DLGAP1: variants seen among roughly 807,000 people sequenced by gnomAD.
The protein encoded by DLGAP1 is disks large-associated protein 1.
DLGAP1 carries 11 observed loss-of-function variants against 90.8 expected under a neutral mutation model. The ratio of observed to expected loss-of-function variants is 0.12; its 90% CI spans 0.08 to 0.20. The LOEUF is 0.20. Ranked by LOEUF, DLGAP1 falls within the 10% of genes least tolerant of loss-of-function variation. The pLI, the probability that DLGAP1 is intolerant of heterozygous loss-of-function variation, is 1.00. For missense variants in DLGAP1, 1,050 were observed against 1,333.8 expected (o/e 0.79, Z 3.31); for synonymous variants, 558 against 540.7 (o/e 1.03, Z -0.44).
At chr18:3,856,513 A>G (rs1046710026) in intron 4 of DLGAP1, among the ~76,000 whole-genome samples, 14 of 152,172 alleles carry the variant, frequency 9.2e-5, no homozygotes, top group African/African-American at 3.4e-4. Flanking sequence ...AAATTACCTT[A>G]GTCACTTGAA....
chr18:4,343,282 G>C (rs983783853), intron 1 of DLGAP1, among the ~76,000 whole-genome samples: 2 of 150,526 alleles, frequency 1.3e-5, no homozygotes, highest in South Asian at 4.3e-4. Flanking sequence ...ACTCCAGCCT[G>C]GGCGACAGAG....
chr18:4,437,369 C>T (rs1341931654), intron 1 of DLGAP1, among the ~76,000 whole-genome samples: 1 of 152,150 alleles, frequency 6.6e-6, no homozygotes, highest in East Asian at 1.9e-4. Context: ...CCCTCAATAT[C>T]CATAAGGGAG....
At chr18:3,682,131 TA>T (rs765642309) in intron 7 of DLGAP1, among the ~76,000 whole-genome samples, 4 of 106,486 alleles carry the variant, frequency 3.8e-5, no homozygotes, top group South Asian at 2.4e-4. Context: ...AAAAAAAAAA[TA>T]AAAAAAAATA....
intron 8 of DLGAP1, among the ~76,000 whole-genome samples, chr18:3,577,819 G>A (rs990920066): frequency 1.3e-5 from 2 of 152,074 alleles, no homozygotes; most frequent in African/African-American, 4.8e-5. Flanking sequence ...TGTATCTAGG[G>A]TAATCTACTT....
intron 7 of DLGAP1, among the ~76,000 whole-genome samples, chr18:3,701,789 T>C (rs1202955415): frequency 2.6e-5 from 4 of 152,144 alleles, no homozygotes; most frequent in Non-Finnish European, 4.4e-5. Context: ...TTCTCTAGGA[T>C]GAATTGAGGT....
intron 3 of DLGAP1, among the ~76,000 whole-genome samples, chr18:3,970,711 T>G (rs1161172377): frequency 6.6e-6 from 1 of 152,186 alleles, no homozygotes. Flanking sequence ...GTACTAAATT[T>G]AGAATGAAGG....
In DLGAP1 at chr18:3,534,207, G is replaced by T. The variant is rs200846751; in HGVS notation, c.2466C>A (p.Asn822Lys). Residue 822 changes from asparagine to lysine, a missense_variant, in exon 10 of 13, where the codon AAC (asparagine) becomes AAA (lysine). This residue lies in a region of DLGAP1 where 565 missense variants were observed against 879.7 expected (regional missense o/e 0.64). Coordinates refer to ENST00000315677, the MANE Select transcript of DLGAP1 (RefSeq NM_004746.4). ...QQMEREEREN[N>K]LPEDILGKIR... The stretch of plus-strand genomic sequence containing the variant: ...GGCATTACTTACTGTCTTCGGGCAG[G>T]TTGTTTTCCCGTTCTTCCCGCTCCA... The T allele has an allele frequency of 9.9e-5, 160 of 1,613,538 alleles. No individual in the cohort carries two copies. The highest frequency in any genetic ancestry group is 1.3e-4 in the Non-Finnish European group (154 of 1,179,716).
At chr18:4,036,742 C>CA (rs2074894882) in intron 2 of DLGAP1, among the ~76,000 whole-genome samples, 1 of 151,972 alleles carries the variant, frequency 6.6e-6, no homozygotes, top group South Asian at 2.1e-4. Context: ...AAGAATTTTT[C>CA]AGGGGGGGAA....
intron 1 of DLGAP1, among the ~76,000 whole-genome samples, chr18:4,257,499 A>T (rs2078912909): frequency 6.6e-6 from 1 of 152,232 alleles, no homozygotes. Flanking sequence ...TATTTTAAAA[A>T]CTTATTCATC....
chr18:3,987,913 G>A (rs1390236154), intron 3 of DLGAP1, among the ~76,000 whole-genome samples: 1 of 152,150 alleles, frequency 6.6e-6, no homozygotes, highest in African/African-American at 2.4e-5. Context: ...TTTGGCACCA[G>A]GGACTGGTTT....
chr18:3,499,268 C>T lies in DLGAP1; in HGVS notation c.2851G>A (p.Ala951Thr). 1 of 1,600,232 alleles carries T rather than the reference C, an allele frequency of 6.2e-7. No individual in the cohort carries two copies. Among genetic ancestry groups the T allele is most frequent in the Non-Finnish European group, 8.5e-7 (1 of 1,174,416 alleles). ...GCCGAGTTCTGGCGGACGGACGCGG[C>T]GCGCTTGGCGGCCATCAGGCGCTTG... ...ARKRLMAAKR[A>T]ASVRQNSATE... is the part of the protein sequence containing the mutation. Residue 951 changes from alanine to threonine, a missense_variant, in exon 13 of 13, where the codon GCC becomes ACC. Coordinates refer to ENST00000315677, the MANE Select transcript of DLGAP1 (RefSeq NM_004746.4). The surrounding 1 kb of genome is among the most constrained non-coding windows in gnomAD (Gnocchi z 6.4).
chr18:3,519,355 A>G (rs573411623), intron 10 of DLGAP1, among the ~76,000 whole-genome samples: 1 of 152,072 alleles, frequency 6.6e-6, no homozygotes, highest in Non-Finnish European at 1.5e-5. Context: ...CCATAAACCA[A>G]TGGTCCCCAA....
intron 2 of DLGAP1, among the ~76,000 whole-genome samples, chr18:4,051,140 GT>G (rs1258246938): frequency 1.3e-5 from 2 of 152,182 alleles, no homozygotes; most frequent in Admixed American, 6.5e-5. Flanking sequence ...ATGGTGGTTA[GT>G]TTTAAGATAT....
intron 5 of DLGAP1, among the ~76,000 whole-genome samples, chr18:3,754,723 C>CAAAAAAAAAAAAAAAAA (rs1161245616): frequency 1.7e-5 from 1 of 58,764 alleles, no homozygotes; most frequent in Non-Finnish European, 3.7e-5. Context: ...TACTAAAATA[C>CAAAAAAAAAAAAAAAAA]AAAAAAAAAA....
At chr18:3,720,888 CAAA>C (rs1186426563) in intron 7 of DLGAP1, among the ~76,000 whole-genome samples, 8 of 50,308 alleles carry the variant, frequency 1.6e-4, no homozygotes, top group African/African-American at 4.0e-4. Flanking sequence ...CTTGTCTCTA[CAAA>C]AAAAAAAAAA....
intron 3 of DLGAP1, among the ~76,000 whole-genome samples, chr18:3,966,796 G>A (rs1264387928): frequency 1.3e-5 from 2 of 152,110 alleles, no homozygotes; most frequent in East Asian, 1.9e-4. Context: ...CTGGATTAAC[G>A]AGTATGAGGT....
chr18:4,408,212 C>T (rs907976021), intron 1 of DLGAP1, among the ~76,000 whole-genome samples: 4 of 151,946 alleles, frequency 2.6e-5, no homozygotes, highest in Non-Finnish European at 5.9e-5. Context: ...CCAAAAGGGT[C>T]GATATTTATC....
chr18:4,296,834 G>A (rs868563816), intron 1 of DLGAP1, among the ~76,000 whole-genome samples: 1 of 152,176 alleles, frequency 6.6e-6, no homozygotes, highest in African/African-American at 2.4e-5. Context: ...CAGAGCGGGT[G>A]GCATCTGACC....
At chr18:3,677,514 G>A (rs1368293315) in intron 7 of DLGAP1, among the ~76,000 whole-genome samples, 3 of 152,198 alleles carry the variant, frequency 2.0e-5, no homozygotes, top group African/African-American at 7.2e-5. Context: ...ACATTTTTGT[G>A]CTTAAAAGCC....
Sources: gnomAD v4.1 joint callset for allele counts (sites outside exome capture counted in the v4.1 genomes callset) on GRCh38, gnomAD v4.1.1 for gene constraint, gnomAD v4.1.1 regional missense constraint, Gnocchi (gnomAD v3.1) non-coding constraint, MANE v1.5 for transcripts, NCBI Gene and HGNC (gene_info 2026-07-23, HGNC 2026-07-21) for gene names.